ETV5: variants seen among roughly 807,000 people sequenced by gnomAD.
ETV5 encodes the protein ETS translocation variant 5.
A neutral mutation model predicts 70.0 loss-of-function variants in ETV5; 10 were observed. That is an observed-to-expected ratio of 0.14 (90% CI 0.09 to 0.24). ETV5 has a LOEUF of 0.24. Ranked by LOEUF, ETV5 falls within the 10% of genes least tolerant of loss-of-function variation. The pLI is 1.00. For missense variants in ETV5, 453 were observed against 651.2 expected (o/e 0.70, Z 3.31); for synonymous variants, 216 against 242.2 (o/e 0.89, Z 1.01).
In ETV5 at chr3:186,092,048, G is replaced by A. The variant is rs149845428; in HGVS notation, c.233-10873C>T. ...TTTGGGGAAGATTTTTGAAATGCAA[G>A]CTGAGGAATTTTGTTGGTGAGTGCC... On this transcript the variant is annotated intron_variant, in intron 5 of 12. Transcript: ENST00000306376. Among the ~76,000 whole-genome samples, 420 of 152,336 alleles carry A rather than the reference G, an allele frequency of 2.8e-3. 2 individuals carry two copies. Among genetic ancestry groups the A allele is most frequent in the Middle Eastern group, 0.017 (5 of 294 alleles).
intron 11 of ETV5, among the ~76,000 whole-genome samples, chr3:186,055,276 T>C (rs1713130127): frequency 6.6e-6 from 1 of 152,190 alleles, no homozygotes; most frequent in African/African-American, 2.4e-5. Context: ...GCTGCCCACA[T>C]GACAGAACTA....
At position 186,060,207 on chromosome 3, in the gene ETV5, CATTCACAGTATGTAGAAAAAA is replaced by C. The variant is rs369291888; in HGVS notation, c.971-2737_971-2717del. 9.0e-4 allele frequency among the ~76,000 whole-genome samples: 137 copies of C among 152,308 alleles called. 2 individuals carry two copies. The East Asian group carries it at 0.025, about 28-fold the overall frequency. On this transcript the variant is annotated intron_variant, in intron 9 of 12. Transcript: ENST00000306376. ...CTTCTCCTCTAAGGTAAGAAAAATACATTCACAGTATGTAGAAAAAAACACAACCACCTACATCTAGAAGAA... is the reference window on the plus strand; with the variant it reads ...CTTCTCCTCTAAGGTAAGAAAAATACACACAACCACCTACATCTAGAAGAA...
rs1176682666 is a variant in ETV5, at chr3:186,109,045, G to C, written c.-180C>G. 6.6e-6 allele frequency: 1 copy of C among 152,550 alleles called. No individual in the cohort carries two copies. Among genetic ancestry groups the C allele is most frequent in the African/African-American group, 2.4e-5 (1 of 41,444 alleles). The allele number at this position is 152,550 out of a possible 1,614,324, so 9.4% of individuals were successfully genotyped here. A position where few individuals can be genotyped will look rare whatever the true frequency, so the allele number is the denominator to read the frequency against. ...CCTGGGCGAAAGGCTGGGCCGAACC[G>C]CTCCGAAGACGGTGAACCGCTCCGC... is the stretch of plus-strand genomic sequence containing the variant. On this transcript the variant is annotated 5_prime_UTR_variant, in exon 1 of 13. Coordinates refer to ENST00000306376, the MANE Select transcript of ETV5 (RefSeq NM_004454.3).
chr3:186,079,488 G>A (rs753378479), intron 7 of ETV5: 26 of 291,462 alleles, frequency 8.9e-5, no homozygotes, highest in Non-Finnish European at 1.5e-4. Flanking sequence ...ATCCAATGAG[G>A]AGTCAGGAAC....
Position 186,105,395 on chromosome 3 carries a change from T to C in ETV5, c.182-40A>G, listed in dbSNP as rs1560058069. The C allele has an allele frequency of 1.2e-6, 2 of 1,611,376 alleles. No individual in the cohort carries two copies. The highest frequency in any genetic ancestry group is 1.7e-6 in the Non-Finnish European group (2 of 1,178,838). ...TTTATTTTAGACCTTTAAGTTTTAT[T>C]AAAAAGCACAGTAAAATGTTTTATA... On this transcript the variant is annotated intron_variant, in intron 4 of 12. Coordinates refer to ENST00000306376, the MANE Select transcript of ETV5 (RefSeq NM_004454.3). This position sits in a 1 kb window ranked among gnomAD's most constrained non-coding sequence, Gnocchi z 4.5.
intron 7 of ETV5, among the ~76,000 whole-genome samples, chr3:186,077,012 G>A (rs1022703527): frequency 3.3e-5 from 5 of 152,202 alleles, no homozygotes; most frequent in Admixed American, 1.3e-4. Flanking sequence ...AACAAATGGC[G>A]TAATTACACG....
intron 1 of ETV5, chr3:186,108,329 C>G (rs149127052): frequency 4.2e-6 from 2 of 473,354 alleles, no homozygotes; most frequent in Non-Finnish European, 8.2e-6. Flanking sequence ...CTCGAGTCGC[C>G]GCACAGCCGG....
At chr3:186,103,462 A>C (rs1714511797) in intron 5 of ETV5, among the ~76,000 whole-genome samples, 2 of 152,222 alleles carry the variant, frequency 1.3e-5, no homozygotes, top group Admixed American at 6.5e-5. Context: ...AGAGAAACAA[A>C]CAAAAGTGTC....
At chr3:186,053,406 C>T (rs568583408) in intron 11 of ETV5, among the ~76,000 whole-genome samples, 4 of 152,182 alleles carry the variant, frequency 2.6e-5, no homozygotes, top group East Asian at 1.9e-4. Flanking sequence ...CCGGCCCCTT[C>T]GATATTTTAA....
intron 1 of ETV5, among the ~76,000 whole-genome samples, chr3:186,106,257 G>A (rs1479662003): frequency 2.0e-5 from 3 of 151,990 alleles, no homozygotes; most frequent in African/African-American, 7.3e-5. Context: ...AAAATAAAAG[G>A]GTGATTTCAA....
chr3:186,064,696 G>T (rs138348586), intron 8 of ETV5: 59 of 534,850 alleles, frequency 1.1e-4, no homozygotes, highest in Middle Eastern at 4.8e-4. Context: ...CAAGAGTCAC[G>T]GGAGGAAAAA....
rs1713922611 is a variant in ETV5 at position 186,081,055 on chromosome 3, T to G, written c.353A>C (p.Tyr118Ser). 2.5e-6 allele frequency: 4 copies of G among 1,611,488 alleles called. No individual in the cohort carries two copies. The highest frequency in any genetic ancestry group is 1.3e-5 in the African/African-American group (1 of 74,930). Reference protein sequence around the residue: ...LGANYGEKCLYNYCAYDRKPP... With the variant: ...LGANYGEKCLSNYCAYDRKPP... ...CCTCTTGCCCACTCACCAATAGTTG[T>G]AGAGGCACTTTTCTCCATAGTTAGC... The change falls in exon 6 of 13, where the codon TAC becomes TCC. Residue 118 changes from tyrosine (Y) to serine (S), a missense_variant. By Grantham distance (144) the Tyr-to-Ser change is moderately radical. Transcript: ENST00000306376.
At chr3:186,060,538 T>C (rs1713278951) in intron 9 of ETV5, among the ~76,000 whole-genome samples, 2 of 152,176 alleles carry the variant, frequency 1.3e-5, no homozygotes, top group South Asian at 4.1e-4. Flanking sequence ...GGACTCCAGG[T>C]GAACACTTAA....
At chr3:186,097,686 C>T (rs1206518579) in intron 5 of ETV5, among the ~76,000 whole-genome samples, 1 of 152,168 alleles carries the variant, frequency 6.6e-6, no homozygotes, top group East Asian at 1.9e-4. Flanking sequence ...GGCCATCAGC[C>T]CGGCAGTTTA....
At chr3:186,049,897 C>T (rs1712983966) in intron 12 of ETV5, among the ~76,000 whole-genome samples, 1 of 152,072 alleles carries the variant, frequency 6.6e-6, no homozygotes, top group Non-Finnish European at 1.5e-5. Context: ...GGGAGTTGCA[C>T]GGCTTCCAGT....
At position 186,054,007 on chromosome 3, in the gene ETV5, C is replaced by T. The variant is rs1411871672; in HGVS notation, c.1210-1876G>A. Among the ~76,000 whole-genome samples, 1 of 152,226 alleles carries T rather than the reference C, an allele frequency of 6.6e-6. No individual in the cohort carries two copies. Among genetic ancestry groups the T allele is most frequent in the Non-Finnish European group, 1.5e-5 (1 of 68,042 alleles). On this transcript the variant is annotated intron_variant, in intron 11 of 12. Coordinates refer to ENST00000306376, the MANE Select transcript of ETV5 (RefSeq NM_004454.3). The surrounding 1 kb of genome is among the most constrained non-coding windows in gnomAD (Gnocchi z 4.4). ...TTGAATATTCTTCAACTTCAGCGGC[C>T]ACCTCTCAGCTGTCACTTGCATATG...
At chr3:186,085,507 GT>G (rs550203729) in intron 5 of ETV5, among the ~76,000 whole-genome samples, 18,534 of 124,696 alleles carry the variant, frequency 0.15, 972 homozygotes, top group African/African-American at 0.22. Flanking sequence ...AGTAGCCTTC[GT>G]TTTTTTTTTT....
At chr3:186,083,896 G>A (rs1560052599) in intron 5 of ETV5, among the ~76,000 whole-genome samples, 1 of 152,202 alleles carries the variant, frequency 6.6e-6, no homozygotes, top group Non-Finnish European at 1.5e-5. Flanking sequence ...GGCCCTGTGA[G>A]TGGTGAGGAA....
intron 5 of ETV5, among the ~76,000 whole-genome samples, chr3:186,093,577 A>C (rs1180907123): frequency 1.3e-5 from 2 of 152,230 alleles, no homozygotes; most frequent in Non-Finnish European, 2.9e-5. Flanking sequence ...ATTGGTTAGA[A>C]GACAAAAACT....
Sources: allele counts gnomAD v4.1 joint callset (sites outside exome capture counted in the v4.1 genomes callset), GRCh38; gene constraint gnomAD v4.1.1; non-coding constraint Gnocchi (gnomAD v3.1); transcripts MANE v1.5; gene names NCBI Gene and HGNC (gene_info 2026-07-23, HGNC 2026-07-21).